MYL12B: variants seen among roughly 807,000 people sequenced by gnomAD.
MYL12B encodes the protein myosin regulatory light chain 12B.
MYL12B carries 3 observed loss-of-function variants against 12.9 expected under a neutral mutation model. The ratio of observed to expected loss-of-function variants is 0.23; its 90% confidence interval spans 0.11 to 0.60. MYL12B has a LOEUF of 0.60. Among genes scored for constraint, MYL12B ranks in the 20% least tolerant of loss-of-function variants. The pLI, the probability that MYL12B is intolerant of heterozygous loss-of-function variation, is 0.89. For missense variants in MYL12B, 120 were observed against 215.4 expected, an observed-to-expected ratio of 0.56 and a Z score of 2.77; for synonymous variants, 57 against 71.9, an observed-to-expected ratio of 0.79 and a Z score of 1.05.
chr18:3,276,268 A>G lies in MYL12B; in HGVS notation c.185-985A>G, dbSNP rs143850723. 3.1e-3 allele frequency: 532 copies of G among 171,048 alleles called. 2 individuals carry two copies. The highest frequency in any genetic ancestry group is 0.012 in the African/African-American group (502 of 41,336). The allele number at this position is 171,048 out of a possible 1,614,324, so 10.6% of individuals were successfully genotyped here. A position where few individuals can be genotyped will look rare whatever the true frequency, so the allele number is the denominator to read the frequency against. ...AATGCCAGTTCTGCCACTTCCTCCT[A>G]TATCACACAACCAGTGGTAGAACTG... is the stretch of plus-strand genomic sequence containing the variant. On this transcript the variant is annotated intron_variant, in intron 2 of 3. Coordinates refer to ENST00000237500, the MANE Select transcript of MYL12B (RefSeq NM_033546.4).
At chr18:3,264,269 C>G (rs1342171374) in intron 1 of MYL12B, among the ~76,000 whole-genome samples, 1 of 152,150 alleles carries the variant, frequency 6.6e-6, no homozygotes, top group Non-Finnish European at 1.5e-5. Flanking sequence ...TGTATATACA[C>G]TATATACAAC....
chr18:3,273,802 T>C (rs959316052), intron 2 of MYL12B, among the ~76,000 whole-genome samples: 4 of 150,366 alleles, frequency 2.7e-5, no homozygotes, highest in Non-Finnish European at 5.9e-5. Flanking sequence ...CTTTGCGCTC[T>C]GTCCTCCTGC....
chr18:3,276,474 T>C, intron 2 of MYL12B: 1 of 984,656 alleles, frequency 1.0e-6, no homozygotes, highest in Non-Finnish European at 1.2e-6. Flanking sequence ...GGAATGGAGA[T>C]TAAGATTTCC....
intron 1 of MYL12B, among the ~76,000 whole-genome samples, chr18:3,271,028 G>A (rs1242948567): frequency 6.6e-6 from 1 of 152,064 alleles, no homozygotes; most frequent in Non-Finnish European, 1.5e-5. Context: ...TAAATAACTC[G>A]ATTACAAAAA....
At chr18:3,269,690 T>C (rs943279146) in intron 1 of MYL12B, among the ~76,000 whole-genome samples, 5 of 152,172 alleles carry the variant, frequency 3.3e-5, no homozygotes, top group African/African-American at 1.2e-4. Flanking sequence ...ACAGTGAAAG[T>C]TGATGAGATC....
intron 1 of MYL12B, among the ~76,000 whole-genome samples, chr18:3,268,025 T>C (rs2081647637): frequency 6.6e-6 from 1 of 152,256 alleles, no homozygotes; most frequent in African/African-American, 2.4e-5. Context: ...TTTTTCCAAA[T>C]AAATGAACAA....
intron 2 of MYL12B, among the ~76,000 whole-genome samples, chr18:3,274,940 T>C (rs531918009): frequency 6.6e-6 from 1 of 152,330 alleles, no homozygotes; most frequent in South Asian, 2.1e-4. Context: ...CTCTCCCATA[T>C]GATCCAGCAA....
chr18:3,266,336 C>T (rs571895563), intron 1 of MYL12B, among the ~76,000 whole-genome samples: 141 of 151,874 alleles, frequency 9.3e-4, no homozygotes, highest in Non-Finnish European at 1.6e-3. Flanking sequence ...TGGCTCCCGC[C>T]GATTGAGTGA....
At chr18:3,274,296 C>T (rs933315267) in intron 2 of MYL12B, among the ~76,000 whole-genome samples, 3 of 152,158 alleles carry the variant, frequency 2.0e-5, no homozygotes, top group Non-Finnish European at 4.4e-5. Flanking sequence ...AATAGATGCT[C>T]AATAGATATT....
intron 1 of MYL12B, among the ~76,000 whole-genome samples, chr18:3,269,916 C>G (rs1386518826): frequency 8.5e-5 from 13 of 152,184 alleles, no homozygotes; most frequent in Non-Finnish European, 1.9e-4. Flanking sequence ...AGCGTAAGTT[C>G]TTCAAGGTTG....
rs1027175370 is a variant in MYL12B at position 3,277,510 on chromosome 18, T to C, written c.346+96T>C. ...TTTCTTTTTTTACCTTTAGAAAATA[T>C]TTGCTTAAGAATAATTTTGTAAGCA... On this transcript the variant is annotated intron_variant, in intron 3 of 3. Transcript: ENST00000237500. 1.8e-5 allele frequency: 28 copies of C among 1,518,642 alleles called. No homozygotes were observed. In the South Asian group the frequency reaches 2.4e-4, roughly 13 times the overall value. 94.1% of individuals were successfully genotyped at this position (1,518,642 alleles called of 1,614,324 possible).
intron 1 of MYL12B, among the ~76,000 whole-genome samples, chr18:3,266,463 T>C (rs2081635881): frequency 9.8e-6 from 1 of 102,370 alleles, no homozygotes; most frequent in Admixed American, 9.8e-5. Flanking sequence ...ACACTTTTCA[T>C]TGTTGGAGGG....
intron 1 of MYL12B, among the ~76,000 whole-genome samples, chr18:3,263,554 A>G (rs1157373472): frequency 6.6e-6 from 1 of 152,216 alleles, no homozygotes; most frequent in Non-Finnish European, 1.5e-5. Context: ...AGCTTGAACA[A>G]GATGAACTGC....
At chr18:3,273,972 T>A (rs1791081) in intron 2 of MYL12B, among the ~76,000 whole-genome samples, 88,730 of 152,022 alleles carry the variant, frequency 0.58, 28,722 homozygotes, top group Non-Finnish European at 0.72. Context: ...TACTTATTCC[T>A]ATCCAACATA....
At chr18:3,273,214 G>A in intron 2 of MYL12B, 132 bp downstream of exon 2, 1 of 1,042,554 alleles carries the variant, frequency 9.6e-7, no homozygotes, top group Non-Finnish European at 1.3e-6. Flanking sequence ...TCTGGGTGTG[G>A]GAGGTGCTAT....
intron 1 of MYL12B, among the ~76,000 whole-genome samples, chr18:3,268,321 C>T (rs1354862985): frequency 2.0e-5 from 3 of 152,176 alleles, no homozygotes; most frequent in Non-Finnish European, 4.4e-5. Context: ...AGGGTTATTA[C>T]ATTCATTTTG....
At position 3,271,479 on chromosome 18, in the gene MYL12B, G is replaced by C. The variant is rs534837598; in HGVS notation, c.-15-1405G>C. Among the ~76,000 whole-genome samples the C allele has an allele frequency of 6.6e-5, 10 of 152,260 alleles. No homozygotes were observed. The South Asian group carries it at 2.1e-3, about 32-fold the overall frequency. The stretch of plus-strand genomic sequence containing the variant: ...CAATACCAGAAGTCCTGGAGACTTA[G>C]GTCCAAAATCCCCTTGCTCAGTCAT... On this transcript the variant is annotated intron_variant, in intron 1 of 3. Coordinates refer to ENST00000237500, the MANE Select transcript of MYL12B (RefSeq NM_033546.4).
intron 1 of MYL12B, 68 bp from the exon 2 acceptor site, chr18:3,272,816 G>A (rs2144361515): frequency 2.2e-6 from 3 of 1,346,306 alleles, no homozygotes; most frequent in Non-Finnish European, 3.0e-6. Context: ...TAGGTATTAT[G>A]TATTCTGTTT....
chr18:3,265,309 C>T (rs1315591979), intron 1 of MYL12B, among the ~76,000 whole-genome samples: 1 of 152,186 alleles, frequency 6.6e-6, no homozygotes, highest in Admixed American at 6.5e-5. Context: ...TGTTTTCGGA[C>T]TGTTGCTTAT....
Sources: gnomAD v4.1 joint callset for allele counts (sites outside exome capture counted in the v4.1 genomes callset) on GRCh38, gnomAD v4.1.1 for gene constraint, MANE v1.5 for transcripts, NCBI Gene and HGNC (gene_info 2026-07-23, HGNC 2026-07-21) for gene names.